The following PSMC3IP variants were observed in gnomAD, a reference collection of about 807,000 sequenced individuals.
PSMC3IP encodes the protein PSMC3 interacting protein, also known as homologous-pairing protein 2 homolog.
PSMC3IP carries 26 observed loss-of-function variants against 34.9 expected under a neutral mutation model. The ratio of observed to expected loss-of-function variants is 0.74; its 90% confidence interval spans 0.55 to 1.03. The LOEUF is 1.03. PSMC3IP is among the 50% of genes least tolerant of loss of function. The pLI, the probability that PSMC3IP is intolerant of heterozygous loss-of-function variation, is 0.00. For missense variants in PSMC3IP, 250 were observed against 263.1 expected, an observed-to-expected ratio of 0.95 and a Z score of 0.34; for synonymous variants, 87 against 96.5, an observed-to-expected ratio of 0.90 and a Z score of 0.57.
intron 3 of PSMC3IP, chr17:42,576,950 G>A: frequency 3.1e-6 from 2 of 641,660 alleles, no homozygotes; most frequent in Non-Finnish European, 4.9e-6. Context: ...TGCTAATGTA[G>A]ATGATAAGGA....
At position 42,573,515 on chromosome 17, in the gene PSMC3IP, G is replaced by A. The variant is rs138643376; in HGVS notation, c.446C>T (p.Ala149Val). Residue 149 changes from alanine to valine, a missense_variant, in exon 5 of 8, where the codon GCA (alanine) becomes GTA (valine). Coordinates refer to ENST00000393795, the MANE Select transcript of PSMC3IP (RefSeq NM_016556.4). ...TTCTGGAGTCACATGATTGGTAGCT[G>A]CTTTAATGTTCTTCAATCTCTCTCT... ...GYRERLKNIK[A>V]ATNHVTPEEK... 45 of 1,614,092 alleles carry A rather than the reference G, an allele frequency of 2.8e-5. No individual in the cohort carries two copies. The highest frequency in any genetic ancestry group is 3.6e-5 in the Non-Finnish European group (43 of 1,180,052).
In PSMC3IP at chr17:42,574,347, T is replaced by C. The variant is rs936859493; in HGVS notation, c.226-137A>G. ...GTCTCCAGAGGGTCTGCAGAAATAG[T>C]GGGAGAGTACTTTTGAGAAATTGTT... On this transcript the variant is annotated intron_variant, in intron 3 of 7. Transcript: ENST00000393795. 2.6e-6 allele frequency: 4 copies of C among 1,510,942 alleles called. No individual in the cohort carries two copies. In the Admixed American group the frequency reaches 6.3e-5, roughly 24 times the overall value. 93.6% of individuals were successfully genotyped at this position (1,510,942 alleles called of 1,614,324 possible).
At chr17:42,575,883 C>T (rs965264609) in intron 3 of PSMC3IP, among the ~76,000 whole-genome samples, 5 of 150,092 alleles carry the variant, frequency 3.3e-5, no homozygotes, top group East Asian at 1.9e-4. Context: ...AATTAGGCTT[C>T]GTGGCGGGTG....
rs770855612 is a variant in PSMC3IP, at chr17:42,577,696, C to A, written c.-10G>T. 7.4e-6 allele frequency: 12 copies of A among 1,613,896 alleles called. No homozygotes were observed. The highest frequency in any genetic ancestry group is 2.2e-5 in the East Asian group (1 of 44,900). ...CCCGGCCTTTACTCATCGCCTTTCC[C>A]GCCACCCAACTCAGAAAGCCGGACG... On this transcript the variant is annotated 5_prime_UTR_variant, in exon 1 of 8. Transcript: ENST00000393795.
chr17:42,575,728 G>C (rs1394858877), intron 3 of PSMC3IP, among the ~76,000 whole-genome samples: 1 of 152,054 alleles, frequency 6.6e-6, no homozygotes, highest in Non-Finnish European at 1.5e-5. Context: ...TAAGGGCCAG[G>C]CTGGGCACAG....
Position 42,572,639 on chromosome 17 carries a change from T to A in PSMC3IP, c.*329A>T, listed in dbSNP as rs780881964. 1 of 444,056 alleles carries A rather than the reference T, an allele frequency of 2.3e-6. No individual in the cohort carries two copies. The highest frequency in any genetic ancestry group is 1.6e-5 in the South Asian group (1 of 61,250). 27.5% of individuals were successfully genotyped at this position (444,056 alleles called of 1,614,324 possible). Reference sequence around the variant, plus strand: ...TCCTCAGGTTTGATATCTGGCAGGTTTGACTATCCAGAGGAAATTAAATAT... The same window carrying A: ...TCCTCAGGTTTGATATCTGGCAGGTATGACTATCCAGAGGAAATTAAATAT... On this transcript the variant is annotated 3_prime_UTR_variant, in exon 8 of 8. Transcript: ENST00000393795.
At chr17:42,576,990 G>T in intron 3 of PSMC3IP, 3 of 1,094,126 alleles carry the variant, frequency 2.7e-6, no homozygotes, top group Non-Finnish European at 3.8e-6. Context: ...AATGGATCTT[G>T]GTAGCAACAA....
At chr17:42,574,720 C>CTT (rs1365226841) in intron 3 of PSMC3IP, among the ~76,000 whole-genome samples, 4 of 22,908 alleles carry the variant, frequency 1.7e-4, no homozygotes, top group African/African-American at 2.0e-4. Flanking sequence ...TCCCTCCTTC[C>CTT]CCCTCCCTTT....
chr17:42,574,407 A>G, intron 3 of PSMC3IP, 197 bp from the exon 4 acceptor site: 2 of 1,348,162 alleles, frequency 1.5e-6, no homozygotes, highest in Non-Finnish European at 1.9e-6. Flanking sequence ...AAAAGGTAGG[A>G]AAGAAAAGCT....
chr17:42,572,518 C>G lies in PSMC3IP; in HGVS notation c.*450G>C, dbSNP rs910491748. On this transcript the variant is annotated 3_prime_UTR_variant, in exon 8 of 8. Transcript: ENST00000393795. ...TACTTAAAAGGGCTCCTGGGGTACACAAGCCCAGCAGGTCCTGAGTGAAGC... is the reference window on the plus strand; with the variant it reads ...TACTTAAAAGGGCTCCTGGGGTACAGAAGCCCAGCAGGTCCTGAGTGAAGC... 4.4e-6 allele frequency: 2 copies of G among 454,344 alleles called. No individual in the cohort carries two copies. The highest frequency in any genetic ancestry group is 8.8e-6 in the Non-Finnish European group (2 of 226,716). The allele number at this position is 454,344 out of a possible 1,614,324, so 28.1% of individuals were successfully genotyped here.
Position 42,573,371 on chromosome 17 carries a change from G to A in PSMC3IP, c.484-7C>T, listed in dbSNP as rs1054625657. On this transcript the variant is annotated splice_polypyrimidine_tract_variant and splice_region_variant and intron_variant, in intron 5 of 7. Coordinates refer to ENST00000393795, the MANE Select transcript of PSMC3IP (RefSeq NM_016556.4). ...TCTGCCTCTCTCTGTACACCTAGAA[G>A]GAAAAAGCAAGTTCCTCTAACTCCT... The A allele has an allele frequency of 6.2e-7, 1 of 1,614,018 alleles. No homozygotes were observed. The highest frequency in any genetic ancestry group is 8.5e-7 in the Non-Finnish European group (1 of 1,180,028).
intron 4 of PSMC3IP, 162 bp downstream of exon 4, chr17:42,573,937 G>A: frequency 1.3e-6 from 2 of 1,534,262 alleles, no homozygotes; most frequent in East Asian, 2.4e-5. Flanking sequence ...GTACACAAAA[G>A]CCGTTAGTTA....
At chr17:42,574,070 G>A in intron 4 of PSMC3IP, 29 bp downstream of exon 4, 4 of 1,613,466 alleles carry the variant, frequency 2.5e-6, no homozygotes, top group Non-Finnish European at 3.4e-6. Context: ...TAAGCCTATG[G>A]GCACTTTGGA....
At chr17:42,575,781 G>T (rs2093071325) in intron 3 of PSMC3IP, among the ~76,000 whole-genome samples, 1 of 151,758 alleles carries the variant, frequency 6.6e-6, no homozygotes, top group East Asian at 1.9e-4. Context: ...GGCCGAGGCG[G>T]GTGGATCACG....
At chr17:42,575,355 A>G (rs1160044518) in intron 3 of PSMC3IP, among the ~76,000 whole-genome samples, 1 of 152,216 alleles carries the variant, frequency 6.6e-6, no homozygotes, top group African/African-American at 2.4e-5. Context: ...TACATAGTCT[A>G]CAGCTGCTTC....
chr17:42,574,367 ATTG>A lies in PSMC3IP; in HGVS notation c.226-160_226-158del, dbSNP rs769685582. 1.6e-5 allele frequency: 23 copies of A among 1,476,424 alleles called. No homozygotes were observed. The South Asian group carries it at 3.0e-4, about 19-fold the overall frequency. 91.5% of individuals were successfully genotyped at this position (1,476,424 alleles called of 1,614,324 possible). A position where few individuals can be genotyped will look rare whatever the true frequency, so the allele number is the denominator to read the frequency against. On this transcript the variant is annotated intron_variant, in intron 3 of 7. Coordinates refer to ENST00000393795, the MANE Select transcript of PSMC3IP (RefSeq NM_016556.4). The stretch of plus-strand genomic sequence containing the variant: ...AATAGTGGGAGAGTACTTTTGAGAA[ATTG>A]TTTTCAGTTAAGGAGCGGCCCCACT...
At chr17:42,577,420 G>T in intron 2 of PSMC3IP, 41 bp downstream of exon 2, 1 of 1,611,770 alleles carries the variant, frequency 6.2e-7, no homozygotes, top group South Asian at 1.1e-5. Context: ...CCTGAATCCA[G>T]GGAGTCCGAC....
intron 3 of PSMC3IP, among the ~76,000 whole-genome samples, chr17:42,575,624 A>G (rs2143318291): frequency 6.6e-6 from 1 of 152,324 alleles, no homozygotes; most frequent in East Asian, 1.9e-4. Flanking sequence ...CTGATCAGAT[A>G]AAAATGAATT....
At chr17:42,576,137 GA>G (rs2093074176) in intron 3 of PSMC3IP, among the ~76,000 whole-genome samples, 1 of 152,208 alleles carries the variant, frequency 6.6e-6, no homozygotes, top group Admixed American at 6.5e-5. Context: ...AATCCTCAAG[GA>G]AAGAAAGAGC....
Sources: gnomAD v4.1 joint callset for allele counts (sites outside exome capture counted in the v4.1 genomes callset) on GRCh38, gnomAD v4.1.1 for gene constraint, MANE v1.5 for transcripts, NCBI Gene and HGNC (gene_info 2026-07-23, HGNC 2026-07-21) for gene names.